The following BCAS3 variants were observed in gnomAD, a reference collection of about 807,000 sequenced individuals.
BCAS3 encodes BCAS3 microtubule associated cell migration factor.
BCAS3 carries 53 observed loss-of-function variants against 116.1 expected under a neutral mutation model. The ratio of observed to expected loss-of-function variants is 0.46; its 90% CI spans 0.37 to 0.57. BCAS3 has a LOEUF of 0.57. BCAS3 is among the 20% of genes least tolerant of loss of function. The pLI is 0.00. For missense variants in BCAS3, 917 were observed against 1,165.4 expected (o/e 0.79, Z 3.10); for synonymous variants, 391 against 408.2 (o/e 0.96, Z 0.51).
At chr17:60,803,991 C>T (rs1273478056) in intron 6 of BCAS3, among the ~76,000 whole-genome samples, 1 of 149,972 alleles carries the variant, frequency 6.7e-6, no homozygotes, top group African/African-American at 2.4e-5. Flanking sequence ...TTAGTAGAGA[C>T]AGGGTTTCTC....
intron 7 of BCAS3, among the ~76,000 whole-genome samples, chr17:60,817,280 A>G (rs2049514866): frequency 6.6e-6 from 1 of 152,232 alleles, no homozygotes; most frequent in African/African-American, 2.4e-5. Flanking sequence ...TCCAGAAACT[A>G]AGGCAGTGTC....
chr17:60,709,013 A>G (rs143532721), intron 4 of BCAS3, among the ~76,000 whole-genome samples: 2 of 152,128 alleles, frequency 1.3e-5, no homozygotes, highest in African/African-American at 4.8e-5. Flanking sequence ...GCTAGAAGCT[A>G]TGTTGAAATG....
intron 19 of BCAS3, among the ~76,000 whole-genome samples, chr17:61,043,695 G>C (rs2067739168): frequency 6.6e-6 from 1 of 151,950 alleles, no homozygotes; most frequent in Non-Finnish European, 1.5e-5. Flanking sequence ...GCAATCGAAT[G>C]GTGTCTTGTC....
intron 7 of BCAS3, among the ~76,000 whole-genome samples, chr17:60,841,292 T>A (rs2144760367): frequency 6.6e-6 from 1 of 152,172 alleles, no homozygotes; most frequent in Admixed American, 6.5e-5. Context: ...ATCATTTTGT[T>A]GCAAAAGAGA....
chr17:60,813,438 C>T (rs143481695), intron 7 of BCAS3, among the ~76,000 whole-genome samples: 1,570 of 152,250 alleles, frequency 0.01, 28 homozygotes, highest in African/African-American at 0.035. Flanking sequence ...CTGTTAATGT[C>T]TTTTGCCCAC....
intron 22 of BCAS3, among the ~76,000 whole-genome samples, chr17:61,153,340 T>G (rs751708034): frequency 7.2e-5 from 11 of 152,198 alleles, no homozygotes; most frequent in Non-Finnish European, 1.2e-4. Context: ...CCACCACCAG[T>G]TCTACTGGAC....
intron 7 of BCAS3, among the ~76,000 whole-genome samples, chr17:60,814,933 A>G (rs1370310226): frequency 6.6e-6 from 1 of 152,198 alleles, no homozygotes; most frequent in Non-Finnish European, 1.5e-5. Context: ...CATTTGATCC[A>G]GCCATCCCAT....
chr17:61,153,070 G>C (rs551130272), intron 22 of BCAS3, among the ~76,000 whole-genome samples: 93 of 152,314 alleles, frequency 6.1e-4, no homozygotes, highest in African/African-American at 2.1e-3. Context: ...GTCAGTAGAA[G>C]CTGGAACTCC....
rs1250699103 is a variant in BCAS3 at position 61,139,353 on chromosome 17, C to T, written c.2425+54789C>T. ...TAAAGATGTCTGTGATCTGGCCAAA[C>T]GAGGTTCACAAATGCTGTTTTCATA... On this transcript the variant is annotated intron_variant, in intron 22 of 23. Transcript: ENST00000407086. The surrounding 1 kb of genome is among the most constrained non-coding windows in gnomAD (Gnocchi z 4.7). Among the ~76,000 whole-genome samples the T allele has an allele frequency of 6.6e-6, 1 of 152,054 alleles. No homozygotes were observed. The highest frequency in any genetic ancestry group is 2.4e-5 in the African/African-American group (1 of 41,416).
intron 13 of BCAS3, among the ~76,000 whole-genome samples, chr17:60,934,807 C>T (rs1006123452): frequency 3.3e-5 from 5 of 151,982 alleles, no homozygotes; most frequent in African/African-American, 9.7e-5. Context: ...TACCTGTGGT[C>T]GGGAGCAGTG....
Position 60,730,897 on chromosome 17 carries a change from G to T in BCAS3, c.322-16301G>T, listed in dbSNP as rs1267688915. Among the ~76,000 whole-genome samples the T allele has an allele frequency of 2.0e-5, 3 of 152,072 alleles. No homozygotes were observed. In the East Asian group the frequency reaches 5.8e-4, roughly 29 times the overall value. ...CAAATTGGCTTACAGGGTGTTTTGA[G>T]GGAGAGACTGTCAGCTTTCAGTAGA... On this transcript the variant is annotated intron_variant, in intron 5 of 23. Coordinates refer to ENST00000407086, the MANE Select transcript of BCAS3 (RefSeq NM_017679.5).
At chr17:61,078,598 A>G (rs572087610) in intron 21 of BCAS3, 69 bp downstream of exon 21, 14 of 1,364,698 alleles carry the variant, frequency 1.0e-5, no homozygotes, top group South Asian at 1.4e-5. Flanking sequence ...TGAGCATCAT[A>G]TGTAATATTT....
chr17:60,957,997 A>C (rs901714078), intron 14 of BCAS3, among the ~76,000 whole-genome samples: 3 of 152,242 alleles, frequency 2.0e-5, no homozygotes, highest in Non-Finnish European at 2.9e-5. Context: ...TACATTAGTC[A>C]TTGAAAGATG....
intron 22 of BCAS3, among the ~76,000 whole-genome samples, chr17:61,295,066 A>C (rs763266868): frequency 6.6e-6 from 1 of 152,212 alleles, no homozygotes; most frequent in Non-Finnish European, 1.5e-5. Flanking sequence ...TGAGAATCGC[A>C]CCTTCTAAAC....
At chr17:60,832,461 C>G (rs979973594) in intron 7 of BCAS3, among the ~76,000 whole-genome samples, 1 of 152,174 alleles carries the variant, frequency 6.6e-6, no homozygotes, top group Non-Finnish European at 1.5e-5. Flanking sequence ...TACCACCCAC[C>G]TCACTTGTTG....
chr17:60,699,160 T>C (rs918946757), intron 4 of BCAS3, among the ~76,000 whole-genome samples: 2 of 152,236 alleles, frequency 1.3e-5, no homozygotes, highest in African/African-American at 2.4e-5. Flanking sequence ...GATTTGATGA[T>C]GTACACAAAA....
chr17:61,178,027 GTA>G (rs1211425592), intron 22 of BCAS3, among the ~76,000 whole-genome samples: 2 of 152,028 alleles, frequency 1.3e-5, no homozygotes, highest in Non-Finnish European at 1.5e-5. Flanking sequence ...TTAGACACTT[GTA>G]TCTTTGAATG....
intron 7 of BCAS3, among the ~76,000 whole-genome samples, chr17:60,841,810 CTAAGGGCAGTTCT>C (rs1161832655): frequency 6.6e-6 from 1 of 151,950 alleles, no homozygotes; most frequent in Non-Finnish European, 1.5e-5. Context: ...TCTAGCCTTC[CTAAGGGCAGTTCT>C]TAAGGGCTGT....
At chr17:60,927,268 T>G (rs1193135747) in intron 13 of BCAS3, among the ~76,000 whole-genome samples, 1 of 152,050 alleles carries the variant, frequency 6.6e-6, no homozygotes, top group Admixed American at 6.5e-5. Flanking sequence ...TTGTTTGTTT[T>G]TTTTTTGAGA....
Sources: gnomAD v4.1 joint callset for allele counts (sites outside exome capture counted in the v4.1 genomes callset) on GRCh38, gnomAD v4.1.1 for gene constraint, Gnocchi (gnomAD v3.1) non-coding constraint, MANE v1.5 for transcripts, NCBI Gene and HGNC (gene_info 2026-07-23, HGNC 2026-07-21) for gene names.